The following FRMPD1 variants were observed in gnomAD, a reference collection of about 807,000 sequenced individuals.
FRMPD1 encodes FERM and PDZ domain-containing protein 1.
Under a neutral mutation model 117.8 loss-of-function variants are expected in FRMPD1, and 76 were observed. The ratio of observed to expected loss-of-function variants is 0.65; its 90% CI spans 0.54 to 0.78. The LOEUF (loss-of-function observed/expected upper bound fraction) is 0.78, where lower values mean the gene tolerates loss of function less well. Among genes scored for constraint, FRMPD1 ranks in the 30% least tolerant of loss-of-function variants. The probability of loss-of-function intolerance (pLI) is 0.00; values close to 1 mark genes in which losing one functional copy is unlikely to be tolerated. For missense variants in FRMPD1, 1,786 were observed against 1,964.5 expected (o/e 0.91, Z 1.72); for synonymous variants, 783 against 770.4 (o/e 1.02, Z -0.27).
chr9:37,653,936 G>T (rs910107254), intron 1 of FRMPD1, among the ~76,000 whole-genome samples: 1 of 152,048 alleles, frequency 6.6e-6, no homozygotes, highest in Non-Finnish European at 1.5e-5. Flanking sequence ...ACTCCAGCCC[G>T]GTCAAAAGAG....
the FRMPD1 span, among the ~76,000 whole-genome samples, chr9:37,610,877 C>T: frequency 2.3e-4 from 35 of 152,122 alleles, 1 homozygote; most frequent in Admixed American, 8.5e-4. Flanking sequence ...GCTGGGATTA[C>T]AGGCGTGAGC....
chr9:37,623,720 T>C, the FRMPD1 span, among the ~76,000 whole-genome samples: 1 of 152,132 alleles, frequency 6.6e-6, no homozygotes, highest in Non-Finnish European at 1.5e-5. Flanking sequence ...AGCTTAATCC[T>C]GTAGCAGGCT....
chr9:37,719,451 G>A (rs953608431), intron 6 of FRMPD1, among the ~76,000 whole-genome samples: 3 of 152,136 alleles, frequency 2.0e-5, no homozygotes, highest in Admixed American at 1.3e-4. Context: ...ATGAAATTTC[G>A]ACAAATTCCA....
chr9:37,711,844 C>T (rs76881280), intron 5 of FRMPD1, among the ~76,000 whole-genome samples: 1,629 of 152,248 alleles, frequency 0.011, 25 homozygotes, highest in African/African-American at 0.034. Context: ...CTCTGAGGCT[C>T]ACCACACGGC....
chr9:37,617,890 C>T, the FRMPD1 span, among the ~76,000 whole-genome samples: 1 of 152,182 alleles, frequency 6.6e-6, no homozygotes, highest in Non-Finnish European at 1.5e-5. Context: ...GTCCCAGCAG[C>T]CCTCTGGTCT....
chr9:37,624,140 T>C, the FRMPD1 span, among the ~76,000 whole-genome samples: 1 of 152,146 alleles, frequency 6.6e-6, no homozygotes, highest in South Asian at 2.1e-4. Context: ...ATAGTACCAG[T>C]TTCTAGTGAG....
At chr9:37,737,268 T>C in intron 14 of FRMPD1, 25 bp downstream of exon 14, 1 of 1,612,678 alleles carries the variant, frequency 6.2e-7, no homozygotes, top group Non-Finnish European at 8.5e-7. Flanking sequence ...CTTGCCCCAA[T>C]AAGGACAGGC....
chr9:37,654,364 G>A (rs1216994732), intron 1 of FRMPD1, among the ~76,000 whole-genome samples: 1 of 152,194 alleles, frequency 6.6e-6, no homozygotes, highest in East Asian at 1.9e-4. Flanking sequence ...CCTGGAGCTG[G>A]GTGAGGGTCA....
intron 1 of FRMPD1, among the ~76,000 whole-genome samples, chr9:37,653,818 AG>A (rs1228784162): frequency 6.6e-6 from 1 of 152,118 alleles, no homozygotes; most frequent in Non-Finnish European, 1.5e-5. Context: ...AGCTGGGTGT[AG>A]TGGGTGTGCA....
At chr9:37,690,578 G>A (rs752451194) in intron 1 of FRMPD1, among the ~76,000 whole-genome samples, 39 of 152,176 alleles carry the variant, frequency 2.6e-4, no homozygotes, top group Non-Finnish European at 5.3e-4. Context: ...ACATTTCAAT[G>A]CAAGATGATC....
Position 37,732,372 on chromosome 9 carries a change from G to T in FRMPD1, c.927G>T (p.Ala309=), listed in dbSNP as rs766963520. 2 of 1,613,812 alleles carry T rather than the reference G, an allele frequency of 1.2e-6. No individual in the cohort carries two copies. The highest frequency in any genetic ancestry group is 2.2e-5 in the South Asian group (2 of 91,078). Residue 309 remains alanine, a synonymous_variant, in exon 10 of 16, where the codon GCG becomes GCT. Coordinates refer to ENST00000377765, the MANE Select transcript of FRMPD1 (RefSeq NM_014907.3). ...AATGTAGCTCTGCACTCCGACTCGC[G>T]GCTCTGCACATCCAGGAACGGATCT... is the stretch of plus-strand genomic sequence containing the variant. ...EMKCSSALRL[A]ALHIQERIYA...
intron 14 of FRMPD1, among the ~76,000 whole-genome samples, chr9:37,738,866 C>T (rs909278378): frequency 2.0e-5 from 3 of 152,068 alleles, no homozygotes; most frequent in Non-Finnish European, 4.4e-5. Context: ...CATTCAAGGC[C>T]GAGGGGGCCT....
At chr9:37,732,771 T>C (rs1248246096) in intron 10 of FRMPD1, among the ~76,000 whole-genome samples, 1 of 152,204 alleles carries the variant, frequency 6.6e-6, no homozygotes, top group African/African-American at 2.4e-5. Context: ...AGTTAATTTT[T>C]CCCGTGGATA....
chr9:37,693,011 C>T, intron 2 of FRMPD1: 1 of 520,926 alleles, frequency 1.9e-6, no homozygotes, highest in East Asian at 3.4e-5. Flanking sequence ...CACAGACATA[C>T]ACACAGAAAT....
chr9:37,603,933 G>C, the FRMPD1 span, among the ~76,000 whole-genome samples: 1 of 152,160 alleles, frequency 6.6e-6, no homozygotes, highest in Non-Finnish European at 1.5e-5. Context: ...GCCCACCTCA[G>C]CCTCCAAAGT....
intron 4 of FRMPD1, among the ~76,000 whole-genome samples, chr9:37,709,293 A>T (rs535000938): frequency 1.8e-4 from 27 of 150,328 alleles, no homozygotes; most frequent in East Asian, 1.8e-3. Context: ...TATATATATA[A>T]AATTCAGTTT....
At chr9:37,743,551 TTTTTTTTTA>T (rs1824527632) in intron 15 of FRMPD1, among the ~76,000 whole-genome samples, 1 of 119,272 alleles carries the variant, frequency 8.4e-6, no homozygotes, top group Non-Finnish European at 1.7e-5. Context: ...TTTTTTTTTT[TTTTTTTTTA>T]ATGTCTTTGG....
Position 37,692,687 on chromosome 9 carries a change from A to C in FRMPD1, c.46A>C (p.Arg16=), listed in dbSNP as rs753733942. 19 of 1,613,962 alleles carry C rather than the reference A, an allele frequency of 1.2e-5. No homozygotes were observed. The highest frequency in any genetic ancestry group is 5.0e-5 in the Admixed American group (3 of 60,012). Residue 16 remains arginine, a synonymous_variant, in exon 2 of 16, where the codon AGA becomes CGA. Coordinates refer to ENST00000377765, the MANE Select transcript of FRMPD1 (RefSeq NM_014907.3). ...TTTATTCCAGACACGGAAAGCACATAGAATAGAACAAATGGTGGCAAGATG... is the reference window on the plus strand; with the variant it reads ...TTTATTCCAGACACGGAAAGCACATCGAATAGAACAAATGGTGGCAAGATG... The part of the protein sequence containing the change: ...TSLFQTRKAH[R]IEQMVARWLR...
intron 1 of FRMPD1, among the ~76,000 whole-genome samples, chr9:37,688,863 T>C (rs1333468709): frequency 6.6e-6 from 1 of 152,120 alleles, no homozygotes; most frequent in Non-Finnish European, 1.5e-5. Context: ...AGGTAGTGAT[T>C]GTAGCTAATT....
Sources: gnomAD v4.1 joint callset for allele counts (sites outside exome capture counted in the v4.1 genomes callset) on GRCh38, gnomAD v4.1.1 for gene constraint, MANE v1.5 for transcripts, NCBI Gene and HGNC (gene_info 2026-07-23, HGNC 2026-07-21) for gene names.